The following EFNA5 variants were observed in gnomAD, a reference collection of about 807,000 sequenced individuals.
The protein encoded by EFNA5 is ephrin-A5.
A neutral mutation model predicts 22.9 loss-of-function variants in EFNA5; 5 were observed. That is an observed-to-expected ratio of 0.22 (90% CI 0.11 to 0.46). The LOEUF (loss-of-function observed/expected upper bound fraction) is 0.46, where lower values mean the gene tolerates loss of function less well. EFNA5 is among the 20% of genes least tolerant of loss of function. EFNA5 has a pLI of 0.99. For missense variants in EFNA5, 237 were observed against 293.3 expected (o/e 0.81, Z 1.40); for synonymous variants, 113 against 112.2 (o/e 1.01, Z -0.04).
chr5:107,429,194 G>A (rs1748883683), intron 1 of EFNA5, among the ~76,000 whole-genome samples: 1 of 152,202 alleles, frequency 6.6e-6, no homozygotes, highest in African/African-American at 2.4e-5. Context: ...TGTAATCCCA[G>A]CACTTTGGGA....
rs898435147 is a variant in EFNA5 at position 107,380,115 on chromosome 5, G to A, written c.*1140C>T. ...GTGCTGACTGACTCTCCTGGTGACA[G>A]GGGTTTGTGTCCGAGCCCCTGCGGT... On this transcript the variant is annotated 3_prime_UTR_variant, in exon 5 of 5. Transcript: ENST00000333274. The A allele has an allele frequency of 2.6e-5, 4 of 151,932 alleles. No homozygotes were observed. The highest frequency in any genetic ancestry group is 9.7e-5 in the African/African-American group (4 of 41,352). 9.4% of individuals were successfully genotyped at this position (151,932 alleles called of 1,614,324 possible). A position where few individuals can be genotyped will look rare whatever the true frequency, so the allele number is the denominator to read the frequency against.
intron 2 of EFNA5, among the ~76,000 whole-genome samples, chr5:107,396,471 G>A (rs767296712): frequency 3.9e-5 from 6 of 152,172 alleles, no homozygotes; most frequent in Non-Finnish European, 7.3e-5. Flanking sequence ...TCAGCTCTGC[G>A]CTTACTGGGG....
At chr5:107,496,743 G>A (rs25975) in intron 1 of EFNA5, among the ~76,000 whole-genome samples, 37,884 of 152,116 alleles carry the variant, frequency 0.25, 5,010 homozygotes, top group South Asian at 0.41. Context: ...CCCATTCCTG[G>A]GGAGGAACAT....
At chr5:107,473,198 C>T (rs1354659744) in intron 1 of EFNA5, among the ~76,000 whole-genome samples, 1 of 151,596 alleles carries the variant, frequency 6.6e-6, no homozygotes, top group Non-Finnish European at 1.5e-5. Flanking sequence ...CTGAAACTTA[C>T]ACTCTATTCG....
chr5:107,619,872 C>G (rs1186754111), intron 1 of EFNA5, among the ~76,000 whole-genome samples: 2 of 147,178 alleles, frequency 1.4e-5, no homozygotes, highest in East Asian at 3.9e-4. Context: ...ACTCGTTTCT[C>G]TAAGAGACAG....
chr5:107,580,943 G>T (rs756635330), intron 1 of EFNA5, among the ~76,000 whole-genome samples: 1 of 152,086 alleles, frequency 6.6e-6, no homozygotes, highest in Non-Finnish European at 1.5e-5. Flanking sequence ...AGAATTTCCT[G>T]ATCTCAGCAT....
chr5:107,455,739 G>A (rs138927827), intron 1 of EFNA5, among the ~76,000 whole-genome samples: 94 of 152,248 alleles, frequency 6.2e-4, no homozygotes, highest in African/African-American at 2.2e-3. Flanking sequence ...CACCCAGAAT[G>A]TCTCTTTCTT....
At chr5:107,586,070 T>G (rs917921432) in intron 1 of EFNA5, among the ~76,000 whole-genome samples, 1 of 152,186 alleles carries the variant, frequency 6.6e-6, no homozygotes, top group Non-Finnish European at 1.5e-5. Flanking sequence ...ATGACTTATC[T>G]TGCCACTGGT....
chr5:107,443,550 C>T (rs893896072), intron 1 of EFNA5, among the ~76,000 whole-genome samples: 1 of 152,128 alleles, frequency 6.6e-6, no homozygotes, highest in East Asian at 1.9e-4. Flanking sequence ...TGTGACTGCC[C>T]TTTTTCTAGG....
At chr5:107,414,534 T>C (rs1463610692) in intron 2 of EFNA5, among the ~76,000 whole-genome samples, 3 of 152,130 alleles carry the variant, frequency 2.0e-5, no homozygotes. Context: ...ATGAACTGCT[T>C]GACTAATGAG....
intron 1 of EFNA5, among the ~76,000 whole-genome samples, chr5:107,663,397 T>C (rs1278465609): frequency 2.6e-5 from 4 of 152,146 alleles, no homozygotes; most frequent in African/African-American, 9.7e-5. Context: ...CAAAGCGATT[T>C]TTAAAACAGG....
chr5:107,386,082 A>G (rs1450515481), intron 4 of EFNA5, among the ~76,000 whole-genome samples: 1 of 146,126 alleles, frequency 6.8e-6, no homozygotes, highest in Non-Finnish European at 1.5e-5. Context: ...CCTGGTTACA[A>G]TATTGGAGGA....
chr5:107,597,976 T>G (rs62355633), intron 1 of EFNA5, among the ~76,000 whole-genome samples: 34,863 of 152,120 alleles, frequency 0.23, 4,525 homozygotes, highest in Middle Eastern at 0.38. Flanking sequence ...CTCTAACAAC[T>G]TCTGTAGTCA....
intron 1 of EFNA5, among the ~76,000 whole-genome samples, chr5:107,547,964 T>C (rs971980959): frequency 1.3e-5 from 2 of 152,228 alleles, no homozygotes; most frequent in South Asian, 2.1e-4. Flanking sequence ...TTATTCTTTA[T>C]GTAGTAAGCT....
chr5:107,483,000 T>C (rs1750529340), intron 1 of EFNA5, among the ~76,000 whole-genome samples: 2 of 152,168 alleles, frequency 1.3e-5, no homozygotes, highest in East Asian at 1.9e-4. Context: ...CTGGTGCCAA[T>C]GTTTCATATC....
intron 1 of EFNA5, among the ~76,000 whole-genome samples, chr5:107,561,470 G>C (rs764658685): frequency 9.2e-5 from 14 of 152,106 alleles, no homozygotes; most frequent in Non-Finnish European, 2.1e-4. Context: ...CTGGGTTCAA[G>C]CAATTCTCCT....
At chr5:107,591,918 A>AT (rs1243033306) in intron 1 of EFNA5, among the ~76,000 whole-genome samples, 261 of 6,738 alleles carry the variant, frequency 0.039, 5 homozygotes, top group African/African-American at 0.043. Flanking sequence ...TATAAAAAAT[A>AT]TATATATAAT....
chr5:107,515,362 T>TATTATTATTA (rs1554064400), intron 1 of EFNA5, among the ~76,000 whole-genome samples: 4 of 141,320 alleles, frequency 2.8e-5, no homozygotes, highest in African/African-American at 5.3e-5. Context: ...TATTTTTTAT[T>TATTATTATTA]TTATTATTAT....
At chr5:107,562,135 T>C (rs186120309) in intron 1 of EFNA5, among the ~76,000 whole-genome samples, 12 of 152,304 alleles carry the variant, frequency 7.9e-5, no homozygotes, top group Non-Finnish European at 1.3e-4. Context: ...AGGAGTTTCT[T>C]TGAGCTCAGC....
Sources: gnomAD v4.1 joint callset for allele counts (sites outside exome capture counted in the v4.1 genomes callset) on GRCh38, gnomAD v4.1.1 for gene constraint, MANE v1.5 for transcripts, NCBI Gene and HGNC (gene_info 2026-07-23, HGNC 2026-07-21) for gene names.